Variants in CCBE1 observed in about 807,000 individuals in gnomAD.
The protein encoded by CCBE1 is collagen and calcium-binding EGF domain-containing protein 1.
In CCBE1, 37 loss-of-function variants were observed where a neutral mutation model predicts 50.0. The observed-to-expected ratio is 0.74, with a 90% confidence interval of 0.57 to 0.97. The LOEUF (loss-of-function observed/expected upper bound fraction) is 0.97. Among genes scored for constraint, CCBE1 ranks in the 50% least tolerant of loss-of-function variants. The probability of loss-of-function intolerance (pLI) is 0.00; values close to 1 mark genes in which losing one functional copy is unlikely to be tolerated. For missense variants in CCBE1, 538 were observed against 523.8 expected, an observed-to-expected ratio of 1.03 and a Z score of -0.26; for synonymous variants, 234 against 203.7, an observed-to-expected ratio of 1.15 and a Z score of -1.27.
intron 5 of CCBE1, among the ~76,000 whole-genome samples, chr18:59,458,641 T>G (rs894212518): frequency 3.3e-5 from 5 of 152,212 alleles, no homozygotes; most frequent in Non-Finnish European, 7.3e-5. Context: ...CAGATTGCTG[T>G]GCGAAGAGAC....
chr18:59,598,157 G>C (rs777733272), intron 2 of CCBE1, among the ~76,000 whole-genome samples: 2 of 152,186 alleles, frequency 1.3e-5, no homozygotes, highest in Non-Finnish European at 2.9e-5. Context: ...GAGCATACCA[G>C]CTAGCTTTAG....
chr18:59,547,243 T>TGTTCAATAGGTGTTCAAATAG (rs1915741285), intron 2 of CCBE1, among the ~76,000 whole-genome samples: 1 of 151,010 alleles, frequency 6.6e-6, no homozygotes, highest in African/African-American at 2.4e-5. Flanking sequence ...TCACCTGAGG[T>TGTTCAATAGGTGTTCAAATAG]CAGGTGAGGG....
chr18:59,595,488 G>C (rs1386837939), intron 2 of CCBE1, among the ~76,000 whole-genome samples: 1 of 152,154 alleles, frequency 6.6e-6, no homozygotes, highest in African/African-American at 2.4e-5. Context: ...GCTTGGTACT[G>C]AGACTGCTCA....
chr18:59,630,284 A>C (rs1241859101), intron 2 of CCBE1, among the ~76,000 whole-genome samples: 1 of 152,046 alleles, frequency 6.6e-6, no homozygotes, highest in Non-Finnish European at 1.5e-5. Flanking sequence ...AAAAAAAAAA[A>C]AGTCATTTAA....
At chr18:59,635,993 TCAA>T (rs1044966444) in intron 2 of CCBE1, among the ~76,000 whole-genome samples, 4 of 151,812 alleles carry the variant, frequency 2.6e-5, no homozygotes, top group Non-Finnish European at 4.4e-5. Flanking sequence ...CTAGACTGTC[TCAA>T]CAACAACAAC....
chr18:59,487,861 T>C (rs1912897906), intron 2 of CCBE1, among the ~76,000 whole-genome samples: 1 of 152,184 alleles, frequency 6.6e-6, no homozygotes, highest in Admixed American at 6.5e-5. Flanking sequence ...GTCAAGAGAA[T>C]TGAAAGCAGG....
At chr18:59,473,748 C>CA (rs1568159342) in intron 3 of CCBE1, among the ~76,000 whole-genome samples, 8 of 26,720 alleles carry the variant, frequency 3.0e-4, no homozygotes, top group Non-Finnish European at 4.1e-4. Context: ...TTTCCTCCCC[C>CA]ACTACTCACC....
intron 2 of CCBE1, among the ~76,000 whole-genome samples, chr18:59,670,169 A>G (rs1231468032): frequency 6.8e-6 from 1 of 146,766 alleles, no homozygotes; most frequent in East Asian, 1.9e-4. Flanking sequence ...GCCTTATTAC[A>G]TAAGTGGCAA....
Position 59,432,947 on chromosome 18 carries a change from T to C in CCBE1, c.*2961A>G, listed in dbSNP as rs1909993672. The C allele has an allele frequency of 1.6e-5, 1 of 61,826 alleles. No individual in the cohort carries two copies. The highest frequency in any genetic ancestry group is 3.6e-5 in the Non-Finnish European group (1 of 27,698). 3.8% of individuals were successfully genotyped at this position (61,826 alleles called of 1,614,324 possible). On this transcript the variant is annotated 3_prime_UTR_variant, in exon 11 of 11. Coordinates refer to ENST00000439986, the MANE Select transcript of CCBE1 (RefSeq NM_133459.4). ...CATCTCTCATACAGCTTGTGCATAGTTTTGTGTGTTTTTTTTTAAACATTC... is the reference window on the plus strand; with the variant it reads ...CATCTCTCATACAGCTTGTGCATAGCTTTGTGTGTTTTTTTTTAAACATTC...
At chr18:59,609,570 C>T (rs2053544086) in intron 2 of CCBE1, among the ~76,000 whole-genome samples, 1 of 152,190 alleles carries the variant, frequency 6.6e-6, no homozygotes, top group African/African-American at 2.4e-5. Context: ...CTCAGTGTTT[C>T]TTAAATCTAT....
At chr18:59,481,992 C>T (rs533788299) in intron 2 of CCBE1, among the ~76,000 whole-genome samples, 1 of 152,276 alleles carries the variant, frequency 6.6e-6, no homozygotes, top group African/African-American at 2.4e-5. Context: ...AACCTGTCGT[C>T]CAGGTTTTAA....
intron 2 of CCBE1, among the ~76,000 whole-genome samples, chr18:59,562,207 G>A (rs1461709360): frequency 6.6e-6 from 1 of 152,124 alleles, no homozygotes; most frequent in African/African-American, 2.4e-5. Context: ...TCATGCATGT[G>A]TGTATATACA....
In CCBE1 at chr18:59,432,953, G is replaced by A. The variant is rs1909994211; in HGVS notation, c.*2955C>T. The A allele has an allele frequency of 1.8e-5, 1 of 55,754 alleles. No homozygotes were observed. Among genetic ancestry groups the A allele is most frequent in the South Asian group, 1.1e-3 (1 of 904 alleles). 3.5% of individuals were successfully genotyped at this position (55,754 alleles called of 1,614,324 possible). A position where few individuals can be genotyped will look rare whatever the true frequency, so the allele number is the denominator to read the frequency against. ...TCATACAGCTTGTGCATAGTTTTGT[G>A]TGTTTTTTTTTAAACATTCATCCAT... is the stretch of plus-strand genomic sequence containing the variant. On this transcript the variant is annotated 3_prime_UTR_variant, in exon 11 of 11. Transcript: ENST00000439986.
intron 2 of CCBE1, among the ~76,000 whole-genome samples, chr18:59,644,677 AATGTCTGTGTGTACAC>A (rs1308247039): frequency 6.6e-6 from 1 of 152,170 alleles, no homozygotes; most frequent in African/African-American, 2.4e-5. Flanking sequence ...TGTGTGGGGA[AATGTCTGTGTGTACAC>A]ATGCCCCCTA....
chr18:59,456,730 G>A (rs1911210748), intron 5 of CCBE1, among the ~76,000 whole-genome samples: 1 of 152,212 alleles, frequency 6.6e-6, no homozygotes, highest in Non-Finnish European at 1.5e-5. Flanking sequence ...CAGCCCACAT[G>A]CAGGCAAAAC....
intron 9 of CCBE1, 110 bp downstream of exon 9, chr18:59,439,433 C>T: frequency 1.5e-6 from 2 of 1,365,586 alleles, no homozygotes; most frequent in Non-Finnish European, 2.1e-6. Context: ...TGCCATTGCA[C>T]TCCAGCCTGG....
At chr18:59,501,130 T>A (rs548820582) in intron 2 of CCBE1, among the ~76,000 whole-genome samples, 3 of 152,136 alleles carry the variant, frequency 2.0e-5, no homozygotes, top group Admixed American at 6.5e-5. Flanking sequence ...ATTGAAGAGA[T>A]CTGAATGAGA....
intron 7 of CCBE1, 126 bp from the exon 8 acceptor site, chr18:59,439,942 C>T: frequency 1.0e-6 from 1 of 958,120 alleles, no homozygotes; most frequent in Non-Finnish European, 1.5e-6. Flanking sequence ...CTTCTGACAT[C>T]TCCATCAGGC....
chr18:59,491,335 T>C (rs969275350), intron 2 of CCBE1, among the ~76,000 whole-genome samples: 1 of 152,176 alleles, frequency 6.6e-6, no homozygotes, highest in Non-Finnish European at 1.5e-5. Flanking sequence ...TTTCCCTTCC[T>C]CACAGGGTGG....
Sources: allele counts gnomAD v4.1 joint callset (sites outside exome capture counted in the v4.1 genomes callset), GRCh38; gene constraint gnomAD v4.1.1; transcripts MANE v1.5; gene names NCBI Gene and HGNC (gene_info 2026-07-23, HGNC 2026-07-21).